Variants in SLC51A observed in about 807,000 individuals in gnomAD.
The protein encoded by SLC51A is organic solute transporter subunit alpha.
In SLC51A, 22 loss-of-function variants were observed where a neutral mutation model predicts 34.8. The observed-to-expected ratio is 0.63, with a 90% CI of 0.45 to 0.90. The LOEUF is 0.90. Ranked by LOEUF, SLC51A falls within the 40% of genes least tolerant of loss-of-function variation. The probability of loss-of-function intolerance (pLI) is 0.00; values close to 1 mark genes in which losing one functional copy is unlikely to be tolerated. For missense variants in SLC51A, 371 were observed against 414.8 expected, an observed-to-expected ratio of 0.89 and a Z score of 0.92; for synonymous variants, 181 against 176.3, an observed-to-expected ratio of 1.03 and a Z score of -0.21.
intron 7 of SLC51A, 155 bp downstream of exon 7, chr3:196,230,216 C>T (rs1163135850): frequency 1.3e-5 from 10 of 766,174 alleles, no homozygotes; most frequent in East Asian, 6.2e-5. Context: ...CTGTGCTTCC[C>T]GCTTTTGTCT....
chr3:196,228,771 T>C lies in SLC51A; in HGVS notation c.522-38T>C. On this transcript the variant is annotated intron_variant, in intron 5 of 8. Coordinates refer to ENST00000296327, the MANE Select transcript of SLC51A (RefSeq NM_152672.6). This position sits in a 1 kb window ranked among gnomAD's most constrained non-coding sequence, Gnocchi z 4.9. ...CGGGGCGTCTTCCTGGGGCAGGGGG[T>C]TTGTGGGCCCATGTTCCTAACCCTC... 1.3e-6 allele frequency: 2 copies of C among 1,575,628 alleles called. No individual in the cohort carries two copies. Among genetic ancestry groups the C allele is most frequent in the South Asian group, 1.1e-5 (1 of 90,308 alleles).
intron 3 of SLC51A, 102 bp downstream of exon 3, chr3:196,227,221 C>A: frequency 1.1e-6 from 1 of 933,432 alleles, no homozygotes. Flanking sequence ...AAAGAGTGTC[C>A]TGCCACGACC....
At chr3:196,232,357 G>C (rs898022076) in intron 7 of SLC51A, 62 bp from the exon 8 acceptor site, 1 of 1,348,232 alleles carries the variant, frequency 7.4e-7, no homozygotes, top group Non-Finnish European at 1.1e-6. Flanking sequence ...CAGTGGGCTG[G>C]CTGCGTTCTG....
At position 196,227,660 on chromosome 3, in the gene SLC51A, G is replaced by A. The variant is rs1723931173; in HGVS notation, c.289-4G>A. ...CCTCACCTGCTCCTGCCCCTTCTGA[G>A]CAGGTGGTGTCTGTGCTGTGCTGCT... On this transcript the variant is annotated splice_polypyrimidine_tract_variant and splice_region_variant and intron_variant, in intron 3 of 8. Transcript: ENST00000296327. 1.2e-6 allele frequency: 2 copies of A among 1,613,860 alleles called. No individual in the cohort carries two copies. Among genetic ancestry groups the A allele is most frequent in the Non-Finnish European group, 1.7e-6 (2 of 1,179,922 alleles).
At chr3:196,217,757 C>T in intron 1 of SLC51A, 85 bp from the exon 2 acceptor site, 1 of 1,089,312 alleles carries the variant, frequency 9.2e-7, no homozygotes, top group South Asian at 1.4e-5. Context: ...AAGTCCTGCA[C>T]TCAGGAGTGG....
At chr3:196,232,559 TG>T (rs1346234060) in intron 8 of SLC51A, 35 bp downstream of exon 8, 1 of 1,533,220 alleles carries the variant, frequency 6.5e-7, no homozygotes, top group Non-Finnish European at 9.0e-7. Context: ...CATCGTGGGA[TG>T]GATGAGACGG....
chr3:196,224,351 C>CA (rs1723840448), intron 2 of SLC51A, among the ~76,000 whole-genome samples: 1 of 150,918 alleles, frequency 6.6e-6, no homozygotes, highest in Non-Finnish European at 1.5e-5. Context: ...AAAAGAAAGA[C>CA]ACTAGGGATT....
rs1478697638 is a variant in SLC51A at position 196,228,017 on chromosome 3, G to A, written c.363-98G>A. On this transcript the variant is annotated intron_variant, in intron 4 of 8. Coordinates refer to ENST00000296327, the MANE Select transcript of SLC51A (RefSeq NM_152672.6). This position sits in a 1 kb window ranked among gnomAD's most constrained non-coding sequence, Gnocchi z 4.9. ...CCCTCTTGGGTCACACACCCAGAAC[G>A]CCCAGCCCTAGCTCTGCTCCTCAGT... is the stretch of plus-strand genomic sequence containing the variant. 7.3e-6 allele frequency: 11 copies of A among 1,498,750 alleles called. No homozygotes were observed. The highest frequency in any genetic ancestry group is 3.9e-5 in the Admixed American group (2 of 50,926). The allele number at this position is 1,498,750 out of a possible 1,614,324, so 92.8% of individuals were successfully genotyped here.
intron 3 of SLC51A, 88 bp from the exon 4 acceptor site, chr3:196,227,575 GT>G: frequency 9.0e-7 from 1 of 1,113,072 alleles, no homozygotes; most frequent in Non-Finnish European, 1.4e-6. Context: ...GAATGTGTAG[GT>G]TTTGCCTCCT....
intron 8 of SLC51A, 154 bp from the exon 9 acceptor site, chr3:196,232,908 AC>A (rs1724057852): frequency 1.3e-6 from 1 of 768,264 alleles, no homozygotes; most frequent in Non-Finnish European, 2.1e-6. Context: ...TCTACCATTA[AC>A]CCGCTGTGTT....
At chr3:196,223,241 T>G (rs904931765) in intron 2 of SLC51A, among the ~76,000 whole-genome samples, 1 of 151,870 alleles carries the variant, frequency 6.6e-6, no homozygotes, top group Admixed American at 6.6e-5. Flanking sequence ...ATGCAGATGA[T>G]GATAGGAATT....
At chr3:196,229,803 T>A in intron 6 of SLC51A, 112 bp from the exon 7 acceptor site, 1 of 1,288,330 alleles carries the variant, frequency 7.8e-7, no homozygotes, top group East Asian at 2.5e-5. Context: ...CAGTGAGCTA[T>A]CATTGCACCT....
At chr3:196,226,815 C>G in intron 2 of SLC51A, 150 bp from the exon 3 acceptor site, 3 of 409,310 alleles carry the variant, frequency 7.3e-6, no homozygotes, top group Non-Finnish European at 1.2e-5. Flanking sequence ...AAGACTATTT[C>G]TTAGGTTGAA....
chr3:196,223,250 T>C (rs1723807198), intron 2 of SLC51A, among the ~76,000 whole-genome samples: 1 of 151,900 alleles, frequency 6.6e-6, no homozygotes, highest in African/African-American at 2.4e-5. Context: ...ATGATAGGAA[T>C]TCTCATAGGT....
Position 196,227,648 on chromosome 3 carries a change from T to A in SLC51A, c.289-16T>A. On this transcript the variant is annotated splice_polypyrimidine_tract_variant and intron_variant, in intron 3 of 8. Transcript: ENST00000296327. ...TCTCCCTCCCGCCCTCACCTGCTCCTGCCCCTTCTGAGCAGGTGGTGTCTG... is the reference window on the plus strand; with the variant it reads ...TCTCCCTCCCGCCCTCACCTGCTCCAGCCCCTTCTGAGCAGGTGGTGTCTG... 1 of 1,613,136 alleles carries A rather than the reference T, an allele frequency of 6.2e-7. No individual in the cohort carries two copies. The highest frequency in any genetic ancestry group is 2.2e-5 in the East Asian group (1 of 44,858).
In SLC51A at chr3:196,221,256, T is replaced by TA. The variant is rs544237439; in HGVS notation, c.133+3328dup. ...AACAGACCGAAACCCTGTCTCAATTTAAAAAAAAGAGAGAGAGAAAAAAAA... is the reference window on the plus strand; with the variant it reads ...AACAGACCGAAACCCTGTCTCAATTTAAAAAAAAAGAGAGAGAGAAAAAAAA... On this transcript the variant is annotated intron_variant, in intron 2 of 8. Coordinates refer to ENST00000296327, the MANE Select transcript of SLC51A (RefSeq NM_152672.6). Among the ~76,000 whole-genome samples the TA allele has an allele frequency of 1.6e-3, 249 of 151,138 alleles. 2 individuals carry two copies. The highest frequency in any genetic ancestry group is 5.7e-3 in the African/African-American group (234 of 41,180).
rs765786336 is a variant in SLC51A at position 196,226,992 on chromosome 3, C to T, written c.161C>T (p.Thr54Ile). 6.2e-7 allele frequency: 1 copy of T among 1,613,882 alleles called. No homozygotes were observed. Among genetic ancestry groups the T allele is most frequent in the Non-Finnish European group, 8.5e-7 (1 of 1,179,896 alleles). ...CTGGGCCCTGTGGAACTTGCCCTCACTAGCATCCTGACCTTGCTGGCGCTG... is the reference window on the plus strand; with the variant it reads ...CTGGGCCCTGTGGAACTTGCCCTCATTAGCATCCTGACCTTGCTGGCGCTG... ...RALGPVELAL[T>I]SILTLLALGS... The change falls in exon 3 of 9, where the codon ACT (threonine) becomes ATT (isoleucine). Residue 54 changes from threonine to isoleucine, a missense_variant. Coordinates refer to ENST00000296327, the MANE Select transcript of SLC51A (RefSeq NM_152672.6).
At chr3:196,221,103 G>T (rs1366331096) in intron 2 of SLC51A, among the ~76,000 whole-genome samples, 1 of 151,454 alleles carries the variant, frequency 6.6e-6, no homozygotes, top group East Asian at 1.9e-4. Flanking sequence ...ATGTTGCCCA[G>T]GCTGGTCTCG....
rs1280099396 is a variant in SLC51A, at chr3:196,228,187, G to A, written c.435G>A (p.Leu145=). The A allele has an allele frequency of 1.2e-6, 2 of 1,614,004 alleles. No individual in the cohort carries two copies. Among genetic ancestry groups the A allele is most frequent in the Non-Finnish European group, 1.7e-6 (2 of 1,180,040 alleles). The part of the protein sequence containing the change: ...VEGFGGKEAV[L]RTLRDTPMMV... ...GCTTTGGGGGGAAGGAGGCAGTGCT[G>A]AGGACGCTGAGGGACACCCCGATGA... Residue 145 remains leucine (L), a synonymous_variant, in exon 5 of 9, where the codon CTG becomes CTA. Transcript: ENST00000296327. This position sits in a 1 kb window ranked among gnomAD's most constrained non-coding sequence, Gnocchi z 4.9.
Sources: gnomAD v4.1 joint callset for allele counts (sites outside exome capture counted in the v4.1 genomes callset) on GRCh38, gnomAD v4.1.1 for gene constraint, Gnocchi (gnomAD v3.1) non-coding constraint, MANE v1.5 for transcripts, NCBI Gene and HGNC (gene_info 2026-07-23, HGNC 2026-07-21) for gene names.